TGFBR3: variants seen among roughly 807,000 people sequenced by gnomAD.
TGFBR3 encodes transforming growth factor beta receptor 3.
TGFBR3 carries 46 observed loss-of-function variants against 87.9 expected under a neutral mutation model. The ratio of observed to expected loss-of-function variants is 0.52; its 90% CI spans 0.41 to 0.67. TGFBR3 has a LOEUF of 0.67. Ranked by LOEUF, TGFBR3 falls within the 30% of genes least tolerant of loss-of-function variation. The pLI is 0.00. For synonymous variants in TGFBR3, 381 were observed against 391.6 expected (o/e 0.97, Z 0.32); for missense variants, 866 against 1,041.9 (o/e 0.83, Z 2.32).
At chr1:91,874,126 T>C (rs1371815228) in intron 1 of TGFBR3, among the ~76,000 whole-genome samples, 1 of 152,100 alleles carries the variant, frequency 6.6e-6, no homozygotes, top group African/African-American at 2.4e-5. Flanking sequence ...ATAAACAAGA[T>C]ACATAATTAT....
At position 91,719,187 on chromosome 1, in the gene TGFBR3, C is replaced by T. The variant is rs4658261; in HGVS notation, c.1566+125G>A. ...ACATCCATTTTGTTGAGAACTGACA[C>T]TTGGCTTTCTTCAGGCCTGGGGTGA... On this transcript the variant is annotated intron_variant, in intron 10 of 16. Coordinates refer to ENST00000212355, the MANE Select transcript of TGFBR3 (RefSeq NM_003243.5). 296,483 of 1,293,332 alleles carry T rather than the reference C, an allele frequency of 0.23. 36,376 individuals carry two copies. Among genetic ancestry groups the T allele is most frequent in the Middle Eastern group, 0.33 (1,758 of 5,396 alleles). The allele number at this position is 1,293,332 out of a possible 1,614,324, so 80.1% of individuals were successfully genotyped here.
At chr1:91,697,156 C>T (rs1279241477) in intron 15 of TGFBR3, among the ~76,000 whole-genome samples, 1 of 152,146 alleles carries the variant, frequency 6.6e-6, no homozygotes, top group Non-Finnish European at 1.5e-5. Flanking sequence ...CCTTTTTATA[C>T]CCACAGATGC....
At chr1:91,814,127 T>C (rs537790954) in intron 2 of TGFBR3, among the ~76,000 whole-genome samples, 5 of 152,332 alleles carry the variant, frequency 3.3e-5, no homozygotes, top group Admixed American at 1.3e-4. Context: ...AGCCATGACA[T>C]GGAATCTTCC....
chr1:91,804,213 A>AGGT (rs1402154603), intron 2 of TGFBR3, among the ~76,000 whole-genome samples: 1 of 152,020 alleles, frequency 6.6e-6, no homozygotes, highest in Middle Eastern at 3.2e-3. Flanking sequence ...GAAATGAAGG[A>AGGT]GGTGGCATTT....
chr1:91,807,261 GA>G (rs1675867376), intron 2 of TGFBR3, among the ~76,000 whole-genome samples: 1 of 152,158 alleles, frequency 6.6e-6, no homozygotes, highest in South Asian at 2.1e-4. Context: ...TCCCTAGTAG[GA>G]AAAAGGTAGA....
At chr1:91,889,599 G>T (rs12032588), upstream of TGFBR3, among the ~76,000 whole-genome samples, 48,645 of 152,108 alleles carry the variant, frequency 0.32, 8,816 homozygotes, top group Non-Finnish European at 0.4. Flanking sequence ...AAGCATAGAC[G>T]AAAGGTTTAA....
chr1:91,845,316 C>T (rs182741672), intron 2 of TGFBR3, among the ~76,000 whole-genome samples: 48 of 152,332 alleles, frequency 3.2e-4, no homozygotes, highest in South Asian at 1.2e-3. Flanking sequence ...AAGAAAAAGA[C>T]GCTGAGGCCT....
rs546237229 is a variant in TGFBR3 at position 91,813,728 on chromosome 1, CG to C, written c.62-16258del. ...ACCACCTCACAAAGAAAACACCTAA[CG>C]GGGCCACCCAAAGGCCCCTCTATGG... On this transcript the variant is annotated intron_variant, in intron 2 of 16. Coordinates refer to ENST00000212355, the MANE Select transcript of TGFBR3 (RefSeq NM_003243.5). 2.0e-4 allele frequency among the ~76,000 whole-genome samples: 30 copies of C among 152,306 alleles called. No homozygotes were observed. In the South Asian group the frequency reaches 6.0e-3, roughly 31 times the overall value.
At chr1:91,755,387 G>A (rs116195072) in intron 4 of TGFBR3, among the ~76,000 whole-genome samples, 129 of 152,202 alleles carry the variant, frequency 8.5e-4, no homozygotes, top group African/African-American at 2.9e-3. Flanking sequence ...ATGTGAGAAC[G>A]TGAATGAACA....
At chr1:91,895,052 G>A (rs887593204) in intron 2 of TGFBR3, among the ~76,000 whole-genome samples, 6 of 152,060 alleles carry the variant, frequency 3.9e-5, no homozygotes, top group South Asian at 2.1e-4. Context: ...TTACAGGCAT[G>A]AGCCACCGCG....
At chr1:91,895,070 G>A (rs1005625248) in intron 2 of TGFBR3, among the ~76,000 whole-genome samples, 3 of 151,780 alleles carry the variant, frequency 2.0e-5, no homozygotes, top group Non-Finnish European at 4.4e-5. Context: ...GCGCCCAGCT[G>A]AGACACTCTC....
At chr1:91,856,352 C>T (rs1236240925) in intron 2 of TGFBR3, among the ~76,000 whole-genome samples, 1 of 152,160 alleles carries the variant, frequency 6.6e-6, no homozygotes, top group Non-Finnish European at 1.5e-5. Context: ...AGGCGTGAGC[C>T]ACCACGCCCA....
chr1:91,717,750 C>G (rs1038270652), intron 10 of TGFBR3, among the ~76,000 whole-genome samples: 1 of 149,212 alleles, frequency 6.7e-6, no homozygotes, highest in South Asian at 2.1e-4. Flanking sequence ...AGTACTGACG[C>G]CAATTAAAGG....
At chr1:91,803,389 G>T (rs1571526880) in intron 2 of TGFBR3, among the ~76,000 whole-genome samples, 1 of 152,182 alleles carries the variant, frequency 6.6e-6, no homozygotes, top group East Asian at 1.9e-4. Flanking sequence ...ATTTCCTTCT[G>T]ACTGCTGGTT....
In TGFBR3 at chr1:91,683,704, C is replaced by CTGGGCTGGGT. The variant is rs767580175; in HGVS notation, c.*25_*34dup. The CTGGGCTGGGT allele has an allele frequency of 4.8e-6, 7 of 1,458,942 alleles. No individual in the cohort carries two copies. The East Asian group carries it at 1.4e-4, about 29-fold the overall frequency. The allele number at this position is 1,458,942 out of a possible 1,614,324, so 90.4% of individuals were successfully genotyped here. ...TTGGCAGTAGCTGAGCTGAGCTGGG[C>CTGGGCTGGGT]TGGGCTGGGTTGGGCCGGGTTGGGC... On this transcript the variant is annotated 3_prime_UTR_variant, in exon 17 of 17. Coordinates refer to ENST00000212355, the MANE Select transcript of TGFBR3 (RefSeq NM_003243.5).
chr1:91,719,511 TCTGTTGTATAATTGACA>T (rs1346733187), intron 9 of TGFBR3, 47 bp from the exon 10 acceptor site: 18 of 1,611,744 alleles, frequency 1.1e-5, no homozygotes, highest in Non-Finnish European at 1.4e-5. Context: ...CACAGGCAGT[TCTGTTGTATAATTGACA>T]CAATTGACAA....
chr1:91,787,753 T>A lies in TGFBR3; in HGVS notation c.246+9534A>T, dbSNP rs1041825551. ...ACTTTGGGAGTCCAAGGCGAGTGGA[T>A]CACTTGAGCTCAGGAGTTTGAGACC... On this transcript the variant is annotated intron_variant, in intron 3 of 16. Coordinates refer to ENST00000212355, the MANE Select transcript of TGFBR3 (RefSeq NM_003243.5). 2.0e-5 allele frequency among the ~76,000 whole-genome samples: 3 copies of A among 151,890 alleles called. No homozygotes were observed. The East Asian group carries it at 5.8e-4, about 29-fold the overall frequency.
intron 2 of TGFBR3, among the ~76,000 whole-genome samples, chr1:91,825,623 T>C (rs1226948368): frequency 1.3e-5 from 2 of 152,198 alleles, no homozygotes; most frequent in East Asian, 3.8e-4. Flanking sequence ...AGAGGTGAAT[T>C]GTATGGTATG....
intron 12 of TGFBR3, among the ~76,000 whole-genome samples, chr1:91,715,376 G>A (rs1355952604): frequency 2.0e-5 from 3 of 152,188 alleles, no homozygotes; most frequent in Non-Finnish European, 4.4e-5. Context: ...GGAGTCACAC[G>A]GCCTATGAGC....
Sources: allele counts gnomAD v4.1 joint callset (sites outside exome capture counted in the v4.1 genomes callset), GRCh38; gene constraint gnomAD v4.1.1; transcripts MANE v1.5; gene names NCBI Gene and HGNC (gene_info 2026-07-23, HGNC 2026-07-21).